HLCS: variants seen among roughly 807,000 people sequenced by gnomAD.
HLCS encodes holocarboxylase synthetase.
HLCS carries 53 observed loss-of-function variants against 75.0 expected under a neutral mutation model. That is an observed-to-expected ratio of 0.71 (90% confidence interval 0.57 to 0.89). The LOEUF (loss-of-function observed/expected upper bound fraction) is 0.89, where lower values mean the gene tolerates loss of function less well. Ranked by LOEUF, HLCS falls within the 40% of genes least tolerant of loss-of-function variation. The pLI is 0.00. For synonymous variants in HLCS, 431 were observed against 428.6 expected, an observed-to-expected ratio of 1.01 and a Z score of -0.07; for missense variants, 966 against 1,074.0, an observed-to-expected ratio of 0.90 and a Z score of 1.41.
Position 36,754,433 on chromosome 21 carries a change from A to AGCGT in HLCS, c.2451-20_2451-17dup, listed in dbSNP as rs1465382652. The AGCGT allele has an allele frequency of 6.2e-7, 1 of 1,608,690 alleles. No homozygotes were observed. Among genetic ancestry groups the AGCGT allele is most frequent in the Non-Finnish European group, 8.5e-7 (1 of 1,179,522 alleles). On this transcript the variant is annotated splice_polypyrimidine_tract_variant and intron_variant, in intron 10 of 10. Transcript: ENST00000674895. Reference sequence around the variant, plus strand: ...TTGCTGACCACTGAAAAGGAAGAACAGCGTGCGGTCACTGGGAGGTGTCAC... The same window carrying AGCGT: ...TTGCTGACCACTGAAAAGGAAGAACAGCGTGCGTGCGGTCACTGGGAGGTGTCAC...
At chr21:36,978,537 T>A (rs1363091276) in intron 1 of HLCS, among the ~76,000 whole-genome samples, 2 of 147,146 alleles carry the variant, frequency 1.4e-5, no homozygotes, top group African/African-American at 5.0e-5. Flanking sequence ...GACCCCACAG[T>A]GTGGGAAGGA....
At chr21:36,957,070 A>T (rs933925158) in intron 2 of HLCS, among the ~76,000 whole-genome samples, 2 of 138,056 alleles carry the variant, frequency 1.4e-5, no homozygotes, top group African/African-American at 5.3e-5. Flanking sequence ...AAAAAAAAAA[A>T]AGCCCAAGGA....
intron 6 of HLCS, among the ~76,000 whole-genome samples, chr21:36,808,863 A>G (rs1470022311): frequency 6.6e-6 from 1 of 152,056 alleles, no homozygotes; most frequent in East Asian, 1.9e-4. Flanking sequence ...TTTTTCTTTT[A>G]TCGAAAAATG....
In HLCS at chr21:36,930,329, A is replaced by T. The variant is rs2066580767; in HGVS notation, c.1542T>A (p.Ile514=). The T allele has an allele frequency of 6.2e-7, 1 of 1,613,988 alleles. No homozygotes were observed. Among genetic ancestry groups the T allele is most frequent in the Non-Finnish European group, 8.5e-7 (1 of 1,180,012 alleles). The stretch of plus-strand genomic sequence containing the variant: ...CACAGCTGAGGCCAAGGGTTGTCAG[A>T]ATCTCTCTAAGGACTTCGTATCTTC... ...NFRRYEVLRE[I]LTTLGLSCDM... The change falls in exon 5 of 11, where the codon ATT becomes ATA. Residue 514 remains isoleucine (I), a synonymous_variant. Transcript: ENST00000674895.
chr21:36,870,879 AT>A (rs1405452045), intron 6 of HLCS, among the ~76,000 whole-genome samples: 1 of 152,170 alleles, frequency 6.6e-6, no homozygotes, highest in Non-Finnish European at 1.5e-5. Flanking sequence ...AAGGAGGAAA[AT>A]TTAGCACCTA....
intron 7 of HLCS, among the ~76,000 whole-genome samples, chr21:36,765,695 G>A (rs1048454154): frequency 6.6e-6 from 1 of 152,142 alleles, no homozygotes; most frequent in Non-Finnish European, 1.5e-5. Flanking sequence ...CACCCAGGTT[G>A]GAGTGCAGTG....
intron 2 of HLCS, chr21:36,947,248 A>G: frequency 1.6e-6 from 1 of 618,684 alleles, no homozygotes; most frequent in Non-Finnish European, 2.0e-6. Context: ...AGATAAACAA[A>G]GGAAGAGGAA....
rs146532042 is a variant in HLCS at position 36,937,407 on chromosome 21, GGAGA to G, written c.494-19_494-16del. Reference sequence around the variant, plus strand: ...CAAGTGCACCGCTAAGGCATGAATAGGAGAGAGAGACAGAAAATTAATCAACACT... The same window carrying G: ...CAAGTGCACCGCTAAGGCATGAATAGGAGAGACAGAAAATTAATCAACACT... On this transcript the variant is annotated splice_polypyrimidine_tract_variant and intron_variant, in intron 3 of 10. Transcript: ENST00000674895. The G allele has an allele frequency of 6.2e-6, 10 of 1,600,726 alleles. No homozygotes were observed. In the African/African-American group the frequency reaches 6.7e-5, roughly 11 times the overall value.
rs560076326 is a variant in HLCS at position 36,872,510 on chromosome 21, C to G, written c.1892+24350G>C. Among the ~76,000 whole-genome samples the G allele has an allele frequency of 6.3e-4, 96 of 152,208 alleles. 2 individuals are homozygous for G. Among genetic ancestry groups the G allele is most frequent in the African/African-American group, 2.3e-3 (94 of 41,500 alleles). On this transcript the variant is annotated intron_variant, in intron 6 of 10. Coordinates refer to ENST00000674895, the MANE Select transcript of HLCS (RefSeq NM_001352514.2). The stretch of plus-strand genomic sequence containing the variant: ...TGCTGGGTTTTGACAAATGTGTACA[C>G]CACCGCCAATCCCAGAAACAACCAT...
At chr21:36,762,310 C>T (rs912985765) in intron 8 of HLCS, among the ~76,000 whole-genome samples, 8 of 152,034 alleles carry the variant, frequency 5.3e-5, no homozygotes, top group African/African-American at 1.2e-4. Flanking sequence ...TGGAGCTGGG[C>T]CTTAAGGATG....
rs886057078 is a variant in HLCS, at chr21:36,938,823, G to T, written c.493+9C>A. The T allele has an allele frequency of 2.5e-6, 4 of 1,613,828 alleles. No individual in the cohort carries two copies. The highest frequency in any genetic ancestry group is 3.4e-6 in the Non-Finnish European group (4 of 1,179,930). ...CTGGCCAATAAAAACATTTTCTAAA[G>T]TTACTTACACACAATCTTTTGGGGT... On this transcript the variant is annotated intron_variant, in intron 3 of 10. Transcript: ENST00000674895.
chr21:36,941,660 A>G (rs2067147235), intron 2 of HLCS, among the ~76,000 whole-genome samples: 1 of 152,292 alleles, frequency 6.6e-6, no homozygotes, highest in South Asian at 2.1e-4. Flanking sequence ...GTAGACCACC[A>G]GGAGTTTGAG....
rs1569219146 is a variant in HLCS, at chr21:36,937,376, G to A, written c.510C>T (p.Asp170=). ...PQKIVSVHLQ[D]STLKEVKDQV... The stretch of plus-strand genomic sequence containing the variant: ...GATCCTTAACTTCCTTCAGAGTGGA[G>A]TCCTGCAAGTGCACCGCTAAGGCAT... Residue 170 remains aspartate, a synonymous_variant, in exon 4 of 11, where the codon GAC becomes GAT. Coordinates refer to ENST00000674895, the MANE Select transcript of HLCS (RefSeq NM_001352514.2). The A allele has an allele frequency of 6.2e-7, 1 of 1,613,608 alleles. No individual in the cohort carries two copies. The highest frequency in any genetic ancestry group is 1.1e-5 in the South Asian group (1 of 91,072).
intron 6 of HLCS, among the ~76,000 whole-genome samples, chr21:36,769,749 GC>G (rs1269521298): frequency 6.6e-6 from 1 of 152,242 alleles, no homozygotes; most frequent in Non-Finnish European, 1.5e-5. Context: ...ACTAAGGACA[GC>G]CCAGTAGCCA....
intron 5 of HLCS, among the ~76,000 whole-genome samples, chr21:36,925,544 G>A (rs537018569): frequency 6.8e-4 from 104 of 152,260 alleles, no homozygotes; most frequent in African/African-American, 2.3e-3. Flanking sequence ...TAAAGGTGCC[G>A]ACCTTCCTAG....
intron 5 of HLCS, among the ~76,000 whole-genome samples, chr21:36,928,484 C>A (rs752049606): frequency 6.6e-6 from 1 of 152,090 alleles, no homozygotes; most frequent in Non-Finnish European, 1.5e-5. Context: ...GTGGGAGGAT[C>A]GCTTGAGCTT....
At chr21:36,896,715 C>G in intron 6 of HLCS, 145 bp downstream of exon 6, 1 of 895,352 alleles carries the variant, frequency 1.1e-6, no homozygotes, top group South Asian at 1.5e-5. Flanking sequence ...TTTAACTCTT[C>G]TAGGACAAGA....
intron 6 of HLCS, among the ~76,000 whole-genome samples, chr21:36,843,760 A>G (rs111896463): frequency 1.4e-5 from 2 of 146,918 alleles, no homozygotes; most frequent in African/African-American, 4.9e-5. Context: ...CCCAACACTT[A>G]AGGAGGTCGA....
intron 6 of HLCS, among the ~76,000 whole-genome samples, chr21:36,864,659 T>TA (rs2063496573): frequency 6.6e-6 from 1 of 152,236 alleles, no homozygotes; most frequent in Non-Finnish European, 1.5e-5. Context: ...GATCAAAATA[T>TA]AAATGTTTTA....
Sources: gnomAD v4.1 joint callset for allele counts (sites outside exome capture counted in the v4.1 genomes callset) on GRCh38, gnomAD v4.1.1 for gene constraint, MANE v1.5 for transcripts, NCBI Gene and HGNC (gene_info 2026-07-23, HGNC 2026-07-21) for gene names.